The following MAP2K3 variants were observed in gnomAD, a reference collection of about 807,000 sequenced individuals.
The protein encoded by MAP2K3 is mitogen-activated protein kinase kinase 3.
A neutral mutation model predicts 46.4 loss-of-function variants in MAP2K3; 30 were observed. The observed-to-expected ratio is 0.65, with a 90% CI of 0.48 to 0.88. MAP2K3 has a LOEUF of 0.88. Ranked by LOEUF, MAP2K3 falls within the 40% of genes least tolerant of loss-of-function variation. The pLI, the probability that MAP2K3 is intolerant of heterozygous loss-of-function variation, is 0.00. For missense variants in MAP2K3, 380 were observed against 464.5 expected (o/e 0.82, Z 1.67); for synonymous variants, 189 against 176.3 (o/e 1.07, Z -0.57).
intron 9 of MAP2K3, among the ~76,000 whole-genome samples, chr17:21,307,577 G>A (rs1373901678): frequency 6.6e-6 from 1 of 151,638 alleles, no homozygotes; most frequent in Non-Finnish European, 1.5e-5. Context: ...CGAGCGAAGA[G>A]AAGTGTCTGG....
At position 21,304,612 on chromosome 17, in the gene MAP2K3, C is replaced by T. The variant is rs537164865; in HGVS notation, c.696+59C>T. ...AGGATGGGGCGGGGAGAAATCTGCC[C>T]AGGCTGGCCACCCCGGCCATACCCT... On this transcript the variant is annotated intron_variant, in intron 8 of 11. Coordinates refer to ENST00000342679, the MANE Select transcript of MAP2K3 (RefSeq NM_145109.3). 15 of 1,609,446 alleles carry T rather than the reference C, an allele frequency of 9.3e-6. No individual in the cohort carries two copies. The South Asian group carries it at 1.4e-4, about 15-fold the overall frequency.
At position 21,298,858 on chromosome 17, in the gene MAP2K3, G is replaced by A. The variant is rs200630765; in HGVS notation, c.117-20G>A. On this transcript the variant is annotated intron_variant, in intron 2 of 11. Coordinates refer to ENST00000342679, the MANE Select transcript of MAP2K3 (RefSeq NM_145109.3). ...GGGTGTGGTTCTCTCTGAAGCTCAC[G>A]GAGTCTTCTTTCTCCACAGACCCCC... is the stretch of plus-strand genomic sequence containing the variant. 8.2e-4 allele frequency: 1,328 copies of A among 1,611,344 alleles called. No homozygotes were observed. Among genetic ancestry groups the A allele is most frequent in the Non-Finnish European group, 9.7e-4 (1,142 of 1,177,382 alleles).
At chr17:21,311,322 A>T (rs1251946435) in intron 9 of MAP2K3, among the ~76,000 whole-genome samples, 1 of 151,876 alleles carries the variant, frequency 6.6e-6, no homozygotes, top group Non-Finnish European at 1.5e-5. Flanking sequence ...TTTTCCATCC[A>T]GTCATCATGA....
At position 21,298,765 on chromosome 17, in the gene MAP2K3, C is replaced by T. The variant is rs998074703; in HGVS notation, c.117-113C>T. 35 of 1,516,810 alleles carry T rather than the reference C, an allele frequency of 2.3e-5. No individual in the cohort carries two copies. In the Middle Eastern group the frequency reaches 8.4e-4, roughly 37 times the overall value. The allele number at this position is 1,516,810 out of a possible 1,614,324, so 94.0% of individuals were successfully genotyped here. ...AGGAGGTGGCCGGAGAAGGCGCCTC[C>T]GGGGCAGGAGGCACCTCGTCCCCAC... On this transcript the variant is annotated intron_variant, in intron 2 of 11. Transcript: ENST00000342679.
chr17:21,297,254 C>T (rs765592096), intron 1 of MAP2K3, among the ~76,000 whole-genome samples: 12 of 152,426 alleles, frequency 7.9e-5, no homozygotes, highest in South Asian at 2.1e-4. Context: ...GGCTTGGAGG[C>T]GGCTTCAGAG....
rs1395946587 is a variant in MAP2K3 at position 21,300,987 on chromosome 17, C to T, written c.393C>T (p.Phe131=). 5 of 1,614,036 alleles carry T rather than the reference C, an allele frequency of 3.1e-6. No individual in the cohort carries two copies. The highest frequency in any genetic ancestry group is 2.2e-5 in the East Asian group (1 of 44,904). The change falls in exon 5 of 12, where the codon TTC becomes TTT. Residue 131 remains phenylalanine (F), a synonymous_variant. Coordinates refer to ENST00000342679, the MANE Select transcript of MAP2K3 (RefSeq NM_145109.3). ...CTGTCACCTTCTACGGGGCACTATT[C>T]AGAGAGGTGCGTCCTTGCATGATGC... ...FYTVTFYGAL[F]REGDVWICME... is the part of the protein sequence containing the mutation.
chr17:21,287,933 T>G, intron 1 of MAP2K3: 6 of 889,732 alleles, frequency 6.7e-6, no homozygotes, highest in Non-Finnish European at 9.6e-6. Context: ...CCCCTGGCTG[T>G]CGGAAAGACT....
intron 1 of MAP2K3, among the ~76,000 whole-genome samples, chr17:21,297,336 G>A (rs1163520814): frequency 6.6e-6 from 1 of 152,312 alleles, no homozygotes; most frequent in African/African-American, 2.4e-5. Flanking sequence ...CAGCCAGGGT[G>A]AGCCAGCAGC....
chr17:21,286,802 C>G (rs1975735498), intron 1 of MAP2K3, among the ~76,000 whole-genome samples: 1 of 152,156 alleles, frequency 6.6e-6, no homozygotes, highest in Non-Finnish European at 1.5e-5. Flanking sequence ...TAGATGTGGA[C>G]CCAGGTCCTA....
chr17:21,292,314 G>A (rs1975985481), intron 1 of MAP2K3, among the ~76,000 whole-genome samples: 1 of 152,424 alleles, frequency 6.6e-6, no homozygotes, highest in African/African-American at 2.4e-5. Context: ...GAATCTCAAA[G>A]GGACAAAAAG....
chr17:21,310,596 A>C (rs1394755239), intron 9 of MAP2K3, among the ~76,000 whole-genome samples: 1 of 152,226 alleles, frequency 6.6e-6, no homozygotes, highest in African/African-American at 2.4e-5. Flanking sequence ...TCAGGATGCC[A>C]GTGGGAATCA....
At chr17:21,303,408 G>T (rs1462688190) in intron 7 of MAP2K3, among the ~76,000 whole-genome samples, 174 bp downstream of exon 7, 31 of 152,410 alleles carry the variant, frequency 2.0e-4, no homozygotes, top group African/African-American at 7.0e-4. Flanking sequence ...CTCCCCTCAG[G>T]TTTGCTGGTG....
chr17:21,304,426 A>C lies in MAP2K3; in HGVS notation c.569A>C (p.Asp190Ala). The C allele has an allele frequency of 2.5e-6, 4 of 1,614,312 alleles. No individual in the cohort carries two copies. Among genetic ancestry groups the C allele is most frequent in the Non-Finnish European group, 2.5e-6 (3 of 1,180,054 alleles). Reference protein sequence around the residue: ...LHSKLSVIHRDVKPSNVLINK... With the variant: ...LHSKLSVIHRAVKPSNVLINK... ...GCTGAGGCATGTCCCTCCCTGGCAGATGTGAAGCCCTCCAATGTCCTTATC... is the reference window on the plus strand; with the variant it reads ...GCTGAGGCATGTCCCTCCCTGGCAGCTGTGAAGCCCTCCAATGTCCTTATC... Residue 190 changes from aspartate to alanine, a missense_variant and splice_region_variant, in exon 8 of 12, where the codon GAT (aspartate) becomes GCT (alanine). This residue lies in a region of MAP2K3 where 294 missense variants were observed against 275.4 expected (regional missense o/e 1.07). Transcript: ENST00000342679.
rs896196049 is a variant in MAP2K3, at chr17:21,304,451, C to A, written c.594C>A (p.Ile198=). 1 of 1,614,198 alleles carries A rather than the reference C, an allele frequency of 6.2e-7. No homozygotes were observed. The highest frequency in any genetic ancestry group is 8.5e-7 in the Non-Finnish European group (1 of 1,180,066). Residue 198 remains isoleucine (I), a synonymous_variant, in exon 8 of 12, where the codon ATC becomes ATA. Transcript: ENST00000342679. ...HRDVKPSNVL[I]NKEGHVKMCD... is the part of the protein sequence containing the mutation. ...ATGTGAAGCCCTCCAATGTCCTTAT[C>A]AACAAGGAGGGCCATGTGAAGATGT...
In MAP2K3 at chr17:21,315,068, T is replaced by TC. The variant is rs11376743; in HGVS notation, c.*841dup. On this transcript the variant is annotated 3_prime_UTR_variant, in exon 12 of 12. Transcript: ENST00000342679. ...GCAGGGGGAGCCTTCCAGCTCACTC[T>TC]CCCTGAGGACTGGCTTGACAGGGGC... 7 of 152,662 alleles carry TC rather than the reference T, an allele frequency of 4.6e-5. No individual in the cohort carries two copies. Among genetic ancestry groups the TC allele is most frequent in the East Asian group, 3.9e-4 (2 of 5,168 alleles). The allele number at this position is 152,662 out of a possible 1,614,324, so 9.5% of individuals were successfully genotyped here. A position where few individuals can be genotyped will look rare whatever the true frequency, so the allele number is the denominator to read the frequency against.
At chr17:21,313,120 C>A (rs758087675) in intron 10 of MAP2K3, among the ~76,000 whole-genome samples, 11 of 152,184 alleles carry the variant, frequency 7.2e-5, no homozygotes, top group Non-Finnish European at 1.6e-4. Flanking sequence ...AGTCTGACCC[C>A]TTTAATTGTG....
chr17:21,305,897 G>T (rs1427897282), intron 9 of MAP2K3, among the ~76,000 whole-genome samples: 1 of 152,310 alleles, frequency 6.6e-6, no homozygotes, highest in Admixed American at 6.5e-5. Flanking sequence ...TGGGACCAAT[G>T]GAGTGTCCTG....
chr17:21,285,619 C>A (rs960945958), intron 1 of MAP2K3, among the ~76,000 whole-genome samples: 12 of 152,302 alleles, frequency 7.9e-5, no homozygotes, highest in African/African-American at 2.2e-4. Flanking sequence ...CTCCCAGGAA[C>A]CTTCCTTGTC....
Position 21,298,945 on chromosome 17 carries a change from C to A in MAP2K3, c.165+19C>A. Reference sequence around the variant, plus strand: ...AGACAGAGTAGGTGCCAGCCGCCACCCCTGCAGGGCCTCTCACTTCACCTG... The same window carrying A: ...AGACAGAGTAGGTGCCAGCCGCCACACCTGCAGGGCCTCTCACTTCACCTG... On this transcript the variant is annotated intron_variant, in intron 3 of 11. Coordinates refer to ENST00000342679, the MANE Select transcript of MAP2K3 (RefSeq NM_145109.3). 1 of 1,613,606 alleles carries A rather than the reference C, an allele frequency of 6.2e-7. No individual in the cohort carries two copies. The highest frequency in any genetic ancestry group is 1.1e-5 in the South Asian group (1 of 91,062).
Sources: allele counts gnomAD v4.1 joint callset (sites outside exome capture counted in the v4.1 genomes callset), GRCh38; gene constraint gnomAD v4.1.1; regional missense constraint gnomAD v4.1.1; transcripts MANE v1.5; gene names NCBI Gene and HGNC (gene_info 2026-07-23, HGNC 2026-07-21).